The following RYR3 variants were observed in gnomAD, a reference collection of about 807,000 sequenced individuals.
RYR3 encodes ryanodine receptor 3.
In RYR3, 207 loss-of-function variants were observed where a neutral mutation model predicts 584.3. The observed-to-expected ratio is 0.35, with a 90% CI of 0.32 to 0.40. The LOEUF is 0.40. Among genes scored for constraint, RYR3 ranks in the 10% least tolerant of loss-of-function variants. The pLI is 1.00. For missense variants in RYR3, 5,616 were observed against 6,089.2 expected (o/e 0.92, Z 2.59); for synonymous variants, 2,416 against 2,248.5 (o/e 1.07, Z -2.11).
rs610345 is a variant in RYR3, at chr15:33,582,895, C to A, written c.1573+1252C>A. ...AGCCTCAGTGAAATTCCAATTCAAA[C>A]CTATCATGTGAAGGGCAAGCTACTT... On this transcript the variant is annotated intron_variant, in intron 14 of 103. Coordinates refer to ENST00000634891, the MANE Select transcript of RYR3 (RefSeq NM_001036.6). 3.0e-3 allele frequency among the ~76,000 whole-genome samples: 455 copies of A among 152,272 alleles called. 1 individual carries two copies. Among genetic ancestry groups the A allele is most frequent in the African/African-American group, 0.011 (442 of 41,562 alleles).
intron 1 of RYR3, among the ~76,000 whole-genome samples, chr15:33,364,627 C>T (rs959961072): frequency 2.0e-5 from 3 of 152,282 alleles, no homozygotes; most frequent in Admixed American, 1.3e-4. Flanking sequence ...AATGCATTGT[C>T]AGGCCTTGCT....
chr15:33,312,992 C>T (rs555346418), intron 1 of RYR3, among the ~76,000 whole-genome samples: 1 of 152,344 alleles, frequency 6.6e-6, no homozygotes, highest in African/African-American at 2.4e-5. Context: ...ACACCCATGA[C>T]AGCCTGTGGG....
At chr15:33,530,520 T>G in intron 3 of RYR3, 72 bp from the exon 4 acceptor site, 2 of 1,023,138 alleles carry the variant, frequency 2.0e-6, no homozygotes, top group East Asian at 2.4e-5. Flanking sequence ...TCTCCCAGAA[T>G]TATTGTGTTG....
intron 93 of RYR3, chr15:33,847,153 C>T (rs1402583167): frequency 6.6e-6 from 1 of 152,250 alleles, no homozygotes; most frequent in African/African-American, 2.4e-5. Flanking sequence ...GCCTCACCTC[C>T]CACATCATCT....
intron 1 of RYR3, among the ~76,000 whole-genome samples, chr15:33,331,340 C>G (rs563515062): frequency 2.6e-5 from 4 of 152,168 alleles, no homozygotes; most frequent in African/African-American, 9.6e-5. Flanking sequence ...TCCATTCCAC[C>G]TATTATCTTA....
rs372234513 is a variant in RYR3 at position 33,865,242 on chromosome 15, G to A, written c.*16G>A. On this transcript the variant is annotated 3_prime_UTR_variant, in exon 104 of 104. Coordinates refer to ENST00000634891, the MANE Select transcript of RYR3 (RefSeq NM_001036.6). ...GCTTGGATAAATCTGAATCAAAGAA[G>A]CGCGACAATTCTGGACAGTCAACTT... 1.5e-4 allele frequency: 233 copies of A among 1,551,906 alleles called. 2 individuals are homozygous for A. The South Asian group carries it at 2.4e-3, about 16-fold the overall frequency.
At chr15:33,457,287 G>A (rs2047642288) in intron 1 of RYR3, among the ~76,000 whole-genome samples, 1 of 152,154 alleles carries the variant, frequency 6.6e-6, no homozygotes, top group Non-Finnish European at 1.5e-5. Flanking sequence ...GTATGTCAAA[G>A]AGATATCTGT....
intron 10 of RYR3, among the ~76,000 whole-genome samples, chr15:33,554,738 A>G (rs1372520056): frequency 2.0e-5 from 3 of 152,222 alleles, no homozygotes; most frequent in Non-Finnish European, 4.4e-5. Flanking sequence ...TTGATTTCAC[A>G]TCATTTTTCC....
chr15:33,715,438 A>T (rs965711865), intron 43 of RYR3, among the ~76,000 whole-genome samples: 1 of 152,364 alleles, frequency 6.6e-6, no homozygotes, highest in East Asian at 1.9e-4. Flanking sequence ...GCAATGTTGT[A>T]CTCAGGAGAT....
rs35254800 is a variant in RYR3, at chr15:33,821,253, ATT to A, written c.10816-10_10816-9del. 365 of 1,569,756 alleles carry A rather than the reference ATT, an allele frequency of 2.3e-4. No individual in the cohort carries two copies. The highest frequency in any genetic ancestry group is 4.7e-4 in the East Asian group (20 of 42,588). ...GGGTAGGAACCAATCTTTCCCTGTG[ATT>A]TTTTTTCCCCCCAGGAGAAAGAGAT... On this transcript the variant is annotated splice_polypyrimidine_tract_variant and intron_variant, in intron 78 of 103. Coordinates refer to ENST00000634891, the MANE Select transcript of RYR3 (RefSeq NM_001036.6).
intron 12 of RYR3, among the ~76,000 whole-genome samples, chr15:33,569,996 T>G (rs751360304): frequency 3.3e-5 from 5 of 152,176 alleles, no homozygotes; most frequent in Non-Finnish European, 7.4e-5. Flanking sequence ...TTGCCATATT[T>G]ATGATTTGCA....
At chr15:33,671,805 CTT>C (rs56206846) in intron 38 of RYR3, among the ~76,000 whole-genome samples, 1,213 of 80,236 alleles carry the variant, frequency 0.015, 20 homozygotes, top group Admixed American at 0.053. Flanking sequence ...CCTTCTTTTT[CTT>C]TTTTTTTTTT....
chr15:33,522,690 A>C (rs1394369243), intron 3 of RYR3, among the ~76,000 whole-genome samples: 2 of 144,514 alleles, frequency 1.4e-5, no homozygotes, highest in African/African-American at 4.9e-5. Flanking sequence ...GTGAAGAAAC[A>C]AGTTAAGTGT....
chr15:33,540,171 T>A (rs1317949167), intron 6 of RYR3, among the ~76,000 whole-genome samples: 2 of 152,218 alleles, frequency 1.3e-5, no homozygotes, highest in East Asian at 1.9e-4. Context: ...ATTCTGAATT[T>A]ATTACGTTGT....
chr15:33,408,210 A>G (rs907997099), intron 1 of RYR3, among the ~76,000 whole-genome samples: 27 of 152,170 alleles, frequency 1.8e-4, no homozygotes, highest in African/African-American at 6.5e-4. Context: ...CTTTATGTCC[A>G]TGAGTACCTA....
chr15:33,433,324 A>G (rs1031477643), intron 1 of RYR3, among the ~76,000 whole-genome samples: 1 of 152,146 alleles, frequency 6.6e-6, no homozygotes, highest in Non-Finnish European at 1.5e-5. Context: ...AATGTTAGGC[A>G]TGTCCCCCCA....
chr15:33,588,217 A>G (rs1396600204), intron 16 of RYR3, among the ~76,000 whole-genome samples: 1 of 152,210 alleles, frequency 6.6e-6, no homozygotes. Flanking sequence ...GGCAGAAAGA[A>G]GGCCGGAGCC....
At chr15:33,352,040 A>G (rs1026933055) in intron 1 of RYR3, among the ~76,000 whole-genome samples, 2 of 152,132 alleles carry the variant, frequency 1.3e-5, no homozygotes, top group African/African-American at 2.4e-5. Context: ...TCCTTAAGCT[A>G]ATAAGCAACT....
At chr15:33,785,535 C>T (rs2074653159) in intron 65 of RYR3, 127 bp from the exon 66 acceptor site, 1 of 750,410 alleles carries the variant, frequency 1.3e-6, no homozygotes, top group Admixed American at 3.0e-5. Flanking sequence ...ACTCCACATC[C>T]AAGCTCACTG....
Sources: gnomAD v4.1 joint callset for allele counts (sites outside exome capture counted in the v4.1 genomes callset) on GRCh38, gnomAD v4.1.1 for gene constraint, MANE v1.5 for transcripts, NCBI Gene and HGNC (gene_info 2026-07-23, HGNC 2026-07-21) for gene names.